Variants in PTPRCAP observed in about 807,000 individuals in gnomAD.
PTPRCAP encodes protein tyrosine phosphatase receptor type C-associated protein.
For missense variants in PTPRCAP, 294 were observed against 285.5 expected (o/e 1.03, Z -0.22); for synonymous variants, 136 against 135.8 (o/e 1.00, Z -0.01).
At position 67,435,917 on chromosome 11, in the gene PTPRCAP, C is replaced by T. The variant is rs141177910; in HGVS notation, c.437G>A (p.Arg146Gln). The T allele has an allele frequency of 1.5e-4, 241 of 1,612,862 alleles. No individual in the cohort carries two copies. In the African/African-American group the frequency reaches 1.9e-3, roughly 13 times the overall value. Reference sequence around the variant, plus strand: ...GTCACTGTCTCTGGCTTCCTCAGCCCGCACGGGGACCTGCTCTGGGCTGGA... The same window carrying T: ...GTCACTGTCTCTGGCTTCCTCAGCCTGCACGGGGACCTGCTCTGGGCTGGA... ...EASSPEQVPV[R>Q]AEEARDSDTE... The change falls in exon 2 of 2, where the codon CGG becomes CAG. Residue 146 changes from arginine (R) to glutamine (Q), a missense_variant. Coordinates refer to ENST00000326294, the MANE Select transcript of PTPRCAP (RefSeq NM_005608.3).
chr11:67,436,014 C>T lies in PTPRCAP; in HGVS notation c.340G>A (p.Asp114Asn). The stretch of plus-strand genomic sequence containing the variant: ...CCACCATCCGCGACGTGGTCATAGT[C>T]TGTGTCCTGCTCATCCTCCTGTCGC... ...LERQEDEQDT[D>N]YDHVADGGLQ... Residue 114 changes from aspartate (D) to asparagine (N), a missense_variant, in exon 2 of 2, where the codon GAC (aspartate) becomes AAC (asparagine). Physicochemically the swap from Asp to Asn is conservative, Grantham distance 23 (BLOSUM62 1). Coordinates refer to ENST00000326294, the MANE Select transcript of PTPRCAP (RefSeq NM_005608.3). 1 of 1,613,756 alleles carries T rather than the reference C, an allele frequency of 6.2e-7. No individual in the cohort carries two copies. Among genetic ancestry groups the T allele is most frequent in the Non-Finnish European group, 8.5e-7 (1 of 1,179,892 alleles).
In PTPRCAP at chr11:67,435,925, G is replaced by C; in HGVS notation, c.429C>G (p.Val143=). 1.2e-6 allele frequency: 2 copies of C among 1,613,146 alleles called. No individual in the cohort carries two copies. The highest frequency in any genetic ancestry group is 1.1e-5 in the South Asian group (1 of 91,046). The change falls in exon 2 of 2, where the codon GTC becomes GTG. Residue 143 remains valine (V), a synonymous_variant. Transcript: ENST00000326294. ...QCGEASSPEQ[V]PVRAEEARDS... is the part of the protein sequence containing the mutation. ...CTCTGGCTTCCTCAGCCCGCACGGG[G>C]ACCTGCTCTGGGCTGGACGCCTCTC...
intron 1 of PTPRCAP, chr11:67,437,310 C>A: frequency 3.0e-6 from 1 of 337,104 alleles, no homozygotes; most frequent in Non-Finnish European, 5.4e-6. Flanking sequence ...CCAGCCTCCC[C>A]CACCACCCCA....
At position 67,437,674 on chromosome 11, in the gene PTPRCAP, G is replaced by A; in HGVS notation, c.-55C>T. 1 of 1,349,168 alleles carries A rather than the reference G, an allele frequency of 7.4e-7. No individual in the cohort carries two copies. Among genetic ancestry groups the A allele is most frequent in the Non-Finnish European group, 9.6e-7 (1 of 1,041,312 alleles). 83.6% of individuals were successfully genotyped at this position (1,349,168 alleles called of 1,614,324 possible). A position where few individuals can be genotyped will look rare whatever the true frequency, so the allele number is the denominator to read the frequency against. Reference sequence around the variant, plus strand: ...CCACCTCCAGCTCTGGCTGTGTCGAGCGAGAAGTGAGCTCAGTGCTCGTCT... The same window carrying A: ...CCACCTCCAGCTCTGGCTGTGTCGAACGAGAAGTGAGCTCAGTGCTCGTCT... On this transcript the variant is annotated 5_prime_UTR_variant, in exon 1 of 2. Coordinates refer to ENST00000326294, the MANE Select transcript of PTPRCAP (RefSeq NM_005608.3).
Position 67,435,820 on chromosome 11 carries a change from ACTCAGCAGGGC to A in PTPRCAP, c.523_533del (p.Ala175Ter), listed in dbSNP as rs1000306398. On this transcript the variant is annotated frameshift_variant, in exon 2 of 2. Transcript: ENST00000326294. LOFTEE classifies it high-confidence loss of function. Reference sequence around the variant, plus strand: ...CGCTGCCAGCAAAGGCGTGCAGGTCACTCAGCAGGGCCTCAGCACTGCCCCCTGCGCTCGCT... The same window carrying A: ...CGCTGCCAGCAAAGGCGTGCAGGTCACTCAGCACTGCCCCCTGCGCTCGCT... 1.2e-6 allele frequency: 2 copies of A among 1,604,368 alleles called. No homozygotes were observed. The highest frequency in any genetic ancestry group is 1.1e-5 in the South Asian group (1 of 90,824).
chr11:67,437,652 C>T lies in PTPRCAP; in HGVS notation c.-33G>A. 7.3e-7 allele frequency: 1 copy of T among 1,360,608 alleles called. No homozygotes were observed. The highest frequency in any genetic ancestry group is 2.8e-5 in the East Asian group (1 of 36,154). 84.3% of individuals were successfully genotyped at this position (1,360,608 alleles called of 1,614,324 possible). ...CAGGCCCCTCCGTGCCGGGCACCCA[C>T]CTCCAGCTCTGGCTGTGTCGAGCGA... is the stretch of plus-strand genomic sequence containing the variant. On this transcript the variant is annotated 5_prime_UTR_variant, in exon 1 of 2. It adds an upstream start codon to the 5' untranslated region. Coordinates refer to ENST00000326294, the MANE Select transcript of PTPRCAP (RefSeq NM_005608.3).
chr11:67,435,880 G>A lies in PTPRCAP; in HGVS notation c.474C>T (p.Asp158=). The A allele has an allele frequency of 6.2e-7, 1 of 1,611,588 alleles. No individual in the cohort carries two copies. The highest frequency in any genetic ancestry group is 8.5e-7 in the Non-Finnish European group (1 of 1,179,542). ...EEARDSDTEG[D]LVLGSPGPAS... ...CTGGTCCTGGGGAGCCGAGGACCAG[G>A]TCGCCCTCCGTGTCACTGTCTCTGG... Residue 158 remains aspartate, a synonymous_variant, in exon 2 of 2, where the codon GAC becomes GAT. Coordinates refer to ENST00000326294, the MANE Select transcript of PTPRCAP (RefSeq NM_005608.3).
At chr11:67,437,351 T>A in intron 1 of PTPRCAP, 1 of 384,740 alleles carries the variant, frequency 2.6e-6, no homozygotes, top group East Asian at 3.7e-5. Flanking sequence ...GGAATGCAAG[T>A]TCCCGCTCAC....
Position 67,435,708 on chromosome 11 carries a change from A to G in PTPRCAP, c.*25T>C, listed in dbSNP as rs1408521148. ...GGCACGGGGAGTGAGCGGCTGTGACAGGGATGGGACACCAAGACCGGCCTC... is the reference window on the plus strand; with the variant it reads ...GGCACGGGGAGTGAGCGGCTGTGACGGGGATGGGACACCAAGACCGGCCTC... On this transcript the variant is annotated 3_prime_UTR_variant, in exon 2 of 2. Coordinates refer to ENST00000326294, the MANE Select transcript of PTPRCAP (RefSeq NM_005608.3). 6.7e-7 allele frequency: 1 copy of G among 1,500,122 alleles called. No individual in the cohort carries two copies. Among genetic ancestry groups the G allele is most frequent in the Admixed American group, 2.2e-5 (1 of 44,622 alleles). 92.9% of individuals were successfully genotyped at this position (1,500,122 alleles called of 1,614,324 possible). A position where few individuals can be genotyped will look rare whatever the true frequency, so the allele number is the denominator to read the frequency against.
intron 1 of PTPRCAP, chr11:67,437,252 C>CG (rs1033272232): frequency 2.3e-5 from 5 of 221,908 alleles, no homozygotes; most frequent in Non-Finnish European, 4.4e-5. Flanking sequence ...AGTCTGCGGT[C>CG]GGAACAGGCT....
chr11:67,435,729 G>A lies in PTPRCAP; in HGVS notation c.*4C>T. The A allele has an allele frequency of 6.6e-7, 1 of 1,515,558 alleles. No individual in the cohort carries two copies. Among genetic ancestry groups the A allele is most frequent in the Non-Finnish European group, 8.8e-7 (1 of 1,135,040 alleles). 93.9% of individuals were successfully genotyped at this position (1,515,558 alleles called of 1,614,324 possible). The stretch of plus-strand genomic sequence containing the variant: ...TGACAGGGATGGGACACCAAGACCG[G>A]CCTCTACAGTGCGGTGACATGGAGG... On this transcript the variant is annotated 3_prime_UTR_variant, in exon 2 of 2. Coordinates refer to ENST00000326294, the MANE Select transcript of PTPRCAP (RefSeq NM_005608.3).
intron 1 of PTPRCAP, 181 bp downstream of exon 1, chr11:67,437,436 C>G: frequency 3.1e-6 from 2 of 645,326 alleles, no homozygotes; most frequent in Non-Finnish European, 4.6e-6. Context: ...GGGGCCAGGC[C>G]TGGAGTCCCA....
At position 67,436,168 on chromosome 11, in the gene PTPRCAP, C is replaced by T. The variant is rs750290519; in HGVS notation, c.186G>A (p.Gly62=). 9.0e-6 allele frequency: 14 copies of T among 1,562,650 alleles called. No individual in the cohort carries two copies. The Admixed American group carries it at 2.7e-4, about 30-fold the overall frequency. ...CTAGGCGGGCCGGGTGGTAGTAGCC[C>T]CCTGAGTCACGGCTGAGGCGGCGCC... ...LAWRRLSRDS[G]GYYHPARLGA... Residue 62 remains glycine, a synonymous_variant, in exon 2 of 2, where the codon GGG becomes GGA. Coordinates refer to ENST00000326294, the MANE Select transcript of PTPRCAP (RefSeq NM_005608.3).
Position 67,435,876 on chromosome 11 carries a change from C to T in PTPRCAP, c.478G>A (p.Val160Ile), listed in dbSNP as rs1264082982. ...CTCGCTGGTCCTGGGGAGCCGAGGA[C>T]CAGGTCGCCCTCCGTGTCACTGTCT... ...ARDSDTEGDL[V>I]LGSPGPASAG... The change falls in exon 2 of 2, where the codon GTC becomes ATC. Residue 160 changes from valine (V) to isoleucine (I), a missense_variant. By Grantham distance (29) the Val-to-Ile change is conservative. Transcript: ENST00000326294. The T allele has an allele frequency of 6.2e-7, 1 of 1,611,448 alleles. No individual in the cohort carries two copies. The highest frequency in any genetic ancestry group is 2.2e-5 in the East Asian group (1 of 44,868).
chr11:67,436,845 C>T (rs903447131), intron 1 of PTPRCAP: 2 of 155,538 alleles, frequency 1.3e-5, no homozygotes, highest in Non-Finnish European at 2.8e-5. Flanking sequence ...ATTGTCTTAT[C>T]TACCCCCCAC....
At chr11:67,436,513 GC>G (rs1291636774) in intron 1 of PTPRCAP, 163 bp from the exon 2 acceptor site, 2 of 804,686 alleles carry the variant, frequency 2.5e-6, no homozygotes, top group Non-Finnish European at 3.6e-6. Flanking sequence ...CCAGGCTCTG[GC>G]CCTGTGAGAT....
chr11:67,436,612 G>T (rs967812003), intron 1 of PTPRCAP: 4 of 396,202 alleles, frequency 1.0e-5, no homozygotes, highest in Non-Finnish European at 1.8e-5. Flanking sequence ...CGCACTGGCT[G>T]TTCCCTCTGC....
In PTPRCAP at chr11:67,435,808, G is replaced by A; in HGVS notation, c.546C>T (p.Ala182=). 6.2e-7 allele frequency: 1 copy of A among 1,600,470 alleles called. No homozygotes were observed. The highest frequency in any genetic ancestry group is 8.5e-7 in the Non-Finnish European group (1 of 1,174,502). ...SAEALLSDLH[A]FAGSAAWDDS... ...CATCCCAGGCTGCGCTGCCAGCAAA[G>A]GCGTGCAGGTCACTCAGCAGGGCCT... The change falls in exon 2 of 2, where the codon GCC becomes GCT. Residue 182 remains alanine, a synonymous_variant. Transcript: ENST00000326294.
In PTPRCAP at chr11:67,435,980, G is replaced by C; in HGVS notation, c.374C>G (p.Ala125Gly). The change falls in exon 2 of 2, where the codon GCT becomes GGT. Residue 125 changes from alanine to glycine, a missense_variant. By Grantham distance (60) the Ala-to-Gly change is moderately conservative. Coordinates refer to ENST00000326294, the MANE Select transcript of PTPRCAP (RefSeq NM_005608.3). Reference sequence around the variant, plus strand: ...TTGCTGCTCGCCTTCCCCAGGGTCAGCCTGCAGGCCACCATCCGCGACGTG... The same window carrying C: ...TTGCTGCTCGCCTTCCCCAGGGTCACCCTGCAGGCCACCATCCGCGACGTG... ...YDHVADGGLQADPGEGEQQCG... is the reference protein window; with the variant it reads ...YDHVADGGLQGDPGEGEQQCG... 1 of 1,613,726 alleles carries C rather than the reference G, an allele frequency of 6.2e-7. No individual in the cohort carries two copies. The highest frequency in any genetic ancestry group is 8.5e-7 in the Non-Finnish European group (1 of 1,179,926).
Sources: allele counts gnomAD v4.1 joint callset, GRCh38; gene constraint gnomAD v4.1.1; transcripts MANE v1.5; gene names NCBI Gene and HGNC (gene_info 2026-07-23, HGNC 2026-07-21).